CACNB2: variants seen among roughly 807,000 people sequenced by gnomAD.
CACNB2 encodes calcium voltage-gated channel auxiliary subunit beta 2.
A neutral mutation model predicts 73.3 loss-of-function variants in CACNB2; 42 were observed. That is an observed-to-expected ratio of 0.57 (90% CI 0.45 to 0.74). CACNB2 has a LOEUF of 0.74. Ranked by LOEUF, CACNB2 falls within the 30% of genes least tolerant of loss-of-function variation. CACNB2 has a pLI of 0.00. For missense variants in CACNB2, 940 were observed against 853.0 expected, an observed-to-expected ratio of 1.10 and a Z score of -1.27; for synonymous variants, 348 against 310.3, an observed-to-expected ratio of 1.12 and a Z score of -1.28.
At chr10:18,449,181 A>C (rs924366113) in intron 3 of CACNB2, among the ~76,000 whole-genome samples, 2 of 152,218 alleles carry the variant, frequency 1.3e-5, no homozygotes, top group Admixed American at 6.5e-5. Flanking sequence ...TGAGGAGATC[A>C]AGACCGTCCT....
chr10:18,477,573 G>A lies in CACNB2; in HGVS notation c.334-20782G>A, dbSNP rs182801865. Among the ~76,000 whole-genome samples, 254 of 152,306 alleles carry A rather than the reference G, an allele frequency of 1.7e-3. 1 individual carries two copies. The highest frequency in any genetic ancestry group is 6.0e-3 in the Admixed American group (91 of 15,292). ...CTCACTTTGCCAAGATTAAGGATAT[G>A]CCCAGGAGAAAAGAACATGGAATCA... On this transcript the variant is annotated intron_variant, in intron 3 of 13. Transcript: ENST00000324631.
At chr10:18,292,485 G>A (rs868388088) in intron 2 of CACNB2, among the ~76,000 whole-genome samples, 6 of 152,028 alleles carry the variant, frequency 3.9e-5, no homozygotes, top group Non-Finnish European at 5.9e-5. Context: ...GTAAAACCCC[G>A]TCCCTACTAA....
chr10:18,170,985 C>T (rs41494451), intron 2 of CACNB2, among the ~76,000 whole-genome samples: 10,032 of 152,256 alleles, frequency 0.066, 356 homozygotes, highest in South Asian at 0.077. Context: ...TACCGCCTTG[C>T]AAGGTGCTCA....
At chr10:18,157,513 ACAT>A (rs1447804637) in intron 2 of CACNB2, among the ~76,000 whole-genome samples, 3 of 152,240 alleles carry the variant, frequency 2.0e-5, no homozygotes, top group African/African-American at 7.2e-5. Flanking sequence ...CCTATTTGTA[ACAT>A]TAGTTAAAAC....
chr10:18,531,171 A>G (rs774934646), intron 10 of CACNB2, among the ~76,000 whole-genome samples: 2 of 152,222 alleles, frequency 1.3e-5, no homozygotes, highest in Non-Finnish European at 2.9e-5. Flanking sequence ...ACTAGCCGCA[A>G]TGAAAGTAAC....
chr10:18,423,417 A>G (rs1280065662), intron 3 of CACNB2, among the ~76,000 whole-genome samples: 1 of 152,180 alleles, frequency 6.6e-6, no homozygotes, highest in Non-Finnish European at 1.5e-5. Context: ...CTGCCAGGAG[A>G]AAGAATTCCC....
At chr10:18,419,093 C>A (rs529857032) in intron 3 of CACNB2, among the ~76,000 whole-genome samples, 12 of 152,320 alleles carry the variant, frequency 7.9e-5, no homozygotes, top group Admixed American at 5.9e-4. Flanking sequence ...TAAAGGAGAT[C>A]TTTGGCTGTG....
intron 2 of CACNB2, among the ~76,000 whole-genome samples, chr10:18,250,284 A>G (rs767927583): frequency 1.3e-5 from 2 of 152,206 alleles, no homozygotes; most frequent in Non-Finnish European, 1.5e-5. Context: ...TTTCCTCCCA[A>G]TTAGAAGAAA....
Position 18,364,300 on chromosome 10 carries a change from A to AT in CACNB2, c.214-37610dup, listed in dbSNP as rs10611857. On this transcript the variant is annotated intron_variant, in intron 2 of 13. Transcript: ENST00000324631. ...AATATTTGTTATGGATTTTTAACTA[A>AT]TTTTTTTTTTTTTTCTGGGAGATAG... 8.6e-4 allele frequency among the ~76,000 whole-genome samples: 125 copies of AT among 145,236 alleles called. 1 individual carries two copies. Among genetic ancestry groups the AT allele is most frequent in the Middle Eastern group, 3.5e-3 (1 of 284 alleles).
At chr10:18,453,683 G>T (rs1237903596) in intron 3 of CACNB2, among the ~76,000 whole-genome samples, 2 of 152,218 alleles carry the variant, frequency 1.3e-5, no homozygotes, top group Admixed American at 6.5e-5. Flanking sequence ...AGGCTGGAGT[G>T]CAGTGGCGCG....
At chr10:18,453,560 C>T (rs74618636) in intron 3 of CACNB2, among the ~76,000 whole-genome samples, 2,759 of 152,166 alleles carry the variant, frequency 0.018, 40 homozygotes, top group Non-Finnish European at 0.025. Context: ...TCGTATCACC[C>T]TGTTTATTTC....
intron 2 of CACNB2, among the ~76,000 whole-genome samples, chr10:18,198,607 T>C (rs1232462849): frequency 4.6e-5 from 7 of 152,236 alleles, no homozygotes; most frequent in Non-Finnish European, 1.0e-4. Context: ...TTCAGACCTC[T>C]GTTCAAGCAA....
At chr10:18,188,399 T>C (rs2034248975) in intron 2 of CACNB2, among the ~76,000 whole-genome samples, 1 of 152,096 alleles carries the variant, frequency 6.6e-6, no homozygotes, top group South Asian at 2.1e-4. Context: ...CTCCAACTCC[T>C]GGGTTCAAGC....
intron 3 of CACNB2, among the ~76,000 whole-genome samples, chr10:18,421,985 A>G (rs2045349992): frequency 6.6e-6 from 1 of 152,220 alleles, no homozygotes; most frequent in Non-Finnish European, 1.5e-5. Flanking sequence ...ACACTACTGT[A>G]AATACTTTCT....
chr10:18,244,339 A>T (rs2036779203), intron 2 of CACNB2, among the ~76,000 whole-genome samples: 1 of 152,218 alleles, frequency 6.6e-6, no homozygotes, highest in Non-Finnish European at 1.5e-5. Context: ...TCTACCTTTA[A>T]AAACATCATT....
intron 3 of CACNB2, among the ~76,000 whole-genome samples, chr10:18,407,373 C>T (rs2044356342): frequency 6.6e-6 from 1 of 151,908 alleles, no homozygotes; most frequent in Non-Finnish European, 1.5e-5. Flanking sequence ...CCATCTGCCT[C>T]GGTCTCCCAG....
chr10:18,192,100 C>A (rs978365943), intron 2 of CACNB2, among the ~76,000 whole-genome samples: 1 of 151,334 alleles, frequency 6.6e-6, no homozygotes, highest in Non-Finnish European at 1.5e-5. Context: ...CTGAAAAAAT[C>A]GTCTCCTCTG....
chr10:18,255,150 C>T (rs976553870), intron 2 of CACNB2, among the ~76,000 whole-genome samples: 4 of 152,134 alleles, frequency 2.6e-5, no homozygotes, highest in Non-Finnish European at 4.4e-5. Flanking sequence ...GAAAGAAATC[C>T]CACTGCTCTT....
intron 3 of CACNB2, among the ~76,000 whole-genome samples, chr10:18,466,578 T>C (rs1339773871): frequency 2.6e-5 from 4 of 152,168 alleles, no homozygotes; most frequent in Non-Finnish European, 5.9e-5. Flanking sequence ...ACATAGAAGG[T>C]TCTCTCCTGG....
Sources: gnomAD v4.1 joint callset for allele counts (sites outside exome capture counted in the v4.1 genomes callset) on GRCh38, gnomAD v4.1.1 for gene constraint, MANE v1.5 for transcripts, NCBI Gene and HGNC (gene_info 2026-07-23, HGNC 2026-07-21) for gene names.